The following SLC24A4 variants were observed in gnomAD, a reference collection of about 807,000 sequenced individuals.
SLC24A4 encodes the protein solute carrier family 24 member 4, also known as sodium/potassium/calcium exchanger 4.
SLC24A4 carries 53 observed loss-of-function variants against 79.0 expected under a neutral mutation model. That is an observed-to-expected ratio of 0.67 (90% confidence interval 0.54 to 0.84). SLC24A4 has a LOEUF of 0.84. Among genes scored for constraint, SLC24A4 ranks in the 40% least tolerant of loss-of-function variants. The probability of loss-of-function intolerance (pLI) is 0.00; values close to 1 mark genes in which losing one functional copy is unlikely to be tolerated. For synonymous variants in SLC24A4, 323 were observed against 323.8 expected (o/e 1.00, Z 0.03); for missense variants, 731 against 822.0 (o/e 0.89, Z 1.35).
At chr14:92,385,510 ATC>A (rs1889103540) in intron 2 of SLC24A4, among the ~76,000 whole-genome samples, 1 of 151,630 alleles carries the variant, frequency 6.6e-6, no homozygotes, top group African/African-American at 2.4e-5. Context: ...AAAAAAAAAA[ATC>A]ATGCAATGTT....
chr14:92,425,463 C>T (rs1429854759), intron 2 of SLC24A4, among the ~76,000 whole-genome samples: 1 of 152,198 alleles, frequency 6.6e-6, no homozygotes. Flanking sequence ...AGGTGGCTGT[C>T]ATTGGCAAAA....
intron 11 of SLC24A4, 53 bp from the exon 12 acceptor site, chr14:92,456,351 G>T: frequency 6.3e-7 from 1 of 1,593,704 alleles, no homozygotes. Flanking sequence ...TATAGCAATA[G>T]CATGATGCTT....
Position 92,323,176 on chromosome 14 carries a change from C to T in SLC24A4, c.-655C>T, listed in dbSNP as rs1159133814. The T allele has an allele frequency of 6.6e-6, 1 of 152,098 alleles. No homozygotes were observed. The highest frequency in any genetic ancestry group is 2.4e-5 in the African/African-American group (1 of 41,432). 9.4% of individuals were successfully genotyped at this position (152,098 alleles called of 1,614,324 possible). A position where few individuals can be genotyped will look rare whatever the true frequency, so the allele number is the denominator to read the frequency against. On this transcript the variant is annotated 5_prime_UTR_variant, in exon 1 of 17. Coordinates refer to ENST00000532405, the MANE Select transcript of SLC24A4 (RefSeq NM_153646.4). The surrounding 1 kb of genome is among the most constrained non-coding windows in gnomAD (Gnocchi z 4.9). ...CGCCACGGCCTCTCAGACGCTGGCG[C>T]CCGCAGCCGAGAAGCCAGAGAGAAA...
At chr14:92,339,596 G>A (rs1886009228) in intron 2 of SLC24A4, among the ~76,000 whole-genome samples, 1 of 152,220 alleles carries the variant, frequency 6.6e-6, no homozygotes, top group African/African-American at 2.4e-5. Context: ...GGCTTTGCCG[G>A]GGTAGGCGGA....
At chr14:92,429,916 C>G (rs540002362) in intron 2 of SLC24A4, among the ~76,000 whole-genome samples, 1 of 152,180 alleles carries the variant, frequency 6.6e-6, no homozygotes, top group African/African-American at 2.4e-5. Context: ...GCTGCATGTT[C>G]CCCAACAACT....
At chr14:92,431,168 T>G (rs1891849205) in intron 2 of SLC24A4, among the ~76,000 whole-genome samples, 1 of 152,240 alleles carries the variant, frequency 6.6e-6, no homozygotes, top group East Asian at 1.9e-4. Flanking sequence ...CAAGGCTGTG[T>G]GTTCTGTGGA....
At chr14:92,430,557 C>T (rs972638595) in intron 2 of SLC24A4, among the ~76,000 whole-genome samples, 2 of 152,200 alleles carry the variant, frequency 1.3e-5, no homozygotes, top group Admixed American at 6.5e-5. Flanking sequence ...TTCCCTGGGC[C>T]CTGCTCACAG....
At position 92,499,666 on chromosome 14, in the gene SLC24A4, C is replaced by CACATACAGCTAATTTGTTTTCATT. The variant is rs1896073575; in HGVS notation, c.*6039_*6062dup. 1 of 125,374 alleles carries CACATACAGCTAATTTGTTTTCATT rather than the reference C, an allele frequency of 8.0e-6. No individual in the cohort carries two copies. Among genetic ancestry groups the CACATACAGCTAATTTGTTTTCATT allele is most frequent in the Admixed American group, 8.5e-5 (1 of 11,822 alleles). 7.8% of individuals were successfully genotyped at this position (125,374 alleles called of 1,614,324 possible). Reference sequence around the variant, plus strand: ...AGGTAGGACTACAGGCACATGCCACCACATACAGCTAATTTGTTTTCATTT... The same window carrying CACATACAGCTAATTTGTTTTCATT: ...AGGTAGGACTACAGGCACATGCCACCACATACAGCTAATTTGTTTTCATTACATACAGCTAATTTGTTTTCATTT... On this transcript the variant is annotated 3_prime_UTR_variant, in exon 17 of 17. Coordinates refer to ENST00000532405, the MANE Select transcript of SLC24A4 (RefSeq NM_153646.4).
At chr14:92,470,828 C>T (rs192464056) in intron 12 of SLC24A4, among the ~76,000 whole-genome samples, 2 of 152,342 alleles carry the variant, frequency 1.3e-5, no homozygotes, top group Admixed American at 1.3e-4. Flanking sequence ...TGTTAAAGAA[C>T]CCCTATTCAG....
intron 16 of SLC24A4, chr14:92,492,959 AAC>A (rs551206469): frequency 0.021 from 6,209 of 298,838 alleles, 137 homozygotes; most frequent in African/African-American, 0.04. Context: ...CTCTACCCCA[AAC>A]ACACACACAC....
chr14:92,419,929 G>T (rs4904904), intron 2 of SLC24A4, among the ~76,000 whole-genome samples: 1 of 152,084 alleles, frequency 6.6e-6, no homozygotes, highest in Non-Finnish European at 1.5e-5. Context: ...TATGCTGGAT[G>T]AAGGTGAGCT....
intron 2 of SLC24A4, among the ~76,000 whole-genome samples, chr14:92,408,918 C>T (rs4904897): frequency 0.21 from 32,487 of 152,052 alleles, 3,559 homozygotes; most frequent in Admixed American, 0.23. Flanking sequence ...TATGATTGTC[C>T]AGACTACATA....
chr14:92,439,806 G>A (rs72695178), intron 4 of SLC24A4, among the ~76,000 whole-genome samples: 9,454 of 152,320 alleles, frequency 0.062, 422 homozygotes, highest in Non-Finnish European at 0.094. Flanking sequence ...CCAGGGGGAC[G>A]CCAAGCTGCA....
intron 12 of SLC24A4, among the ~76,000 whole-genome samples, chr14:92,468,462 T>A (rs1166879470): frequency 1.3e-5 from 2 of 152,180 alleles, no homozygotes; most frequent in Admixed American, 6.5e-5. Context: ...AAACAGTCTT[T>A]AAAAAGAACA....
At chr14:92,482,982 A>G (rs1224773334) in intron 13 of SLC24A4, 136 bp downstream of exon 13, 24 of 837,344 alleles carry the variant, frequency 2.9e-5, no homozygotes, top group Non-Finnish European at 4.3e-5. Context: ...CGTATTTCTC[A>G]GTAGAAAAGG....
Position 92,441,041 on chromosome 14 carries a change from C to A in SLC24A4, c.394-1048C>A, listed in dbSNP as rs563710524. Among the ~76,000 whole-genome samples, 1 of 152,158 alleles carries A rather than the reference C, an allele frequency of 6.6e-6. No homozygotes were observed. Among genetic ancestry groups the A allele is most frequent in the South Asian group, 2.1e-4 (1 of 4,826 alleles). The stretch of plus-strand genomic sequence containing the variant: ...GCAGGGTTAAGGTGGCCGGCTTCTG[C>A]CCTGGAGATCGATGCTGTGCCCCCA... On this transcript the variant is annotated intron_variant, in intron 4 of 16. Coordinates refer to ENST00000532405, the MANE Select transcript of SLC24A4 (RefSeq NM_153646.4). The surrounding 1 kb of genome is among the most constrained non-coding windows in gnomAD (Gnocchi z 4.6).
chr14:92,435,439 C>T lies in SLC24A4; in HGVS notation c.318+1451C>T, dbSNP rs116411049. ...GTCCATGCATCAGAGACTGCCTGGC[C>T]CAGAAAGCCAAACATATTTATTATC... On this transcript the variant is annotated intron_variant, in intron 3 of 16. Coordinates refer to ENST00000532405, the MANE Select transcript of SLC24A4 (RefSeq NM_153646.4). 4.5e-3 allele frequency among the ~76,000 whole-genome samples: 691 copies of T among 152,288 alleles called. 5 individuals are homozygous for T. The highest frequency in any genetic ancestry group is 0.016 in the African/African-American group (668 of 41,550).
intron 12 of SLC24A4, among the ~76,000 whole-genome samples, chr14:92,467,482 AAGATCAAGAGCAAAACAAGAGT>A (rs1356695721): frequency 1.3e-4 from 20 of 152,212 alleles, no homozygotes; most frequent in African/African-American, 4.8e-4. Flanking sequence ...GCTTTCCCCT[AAGATCAAGAGCAAAACAAGAGT>A]TAAAAGTGGG....
At position 92,490,291 on chromosome 14, in the gene SLC24A4, G is replaced by T. The variant is rs974160278; in HGVS notation, c.1538-1374G>T. Among the ~76,000 whole-genome samples the T allele has an allele frequency of 2.0e-5, 3 of 152,326 alleles. No individual in the cohort carries two copies. Among genetic ancestry groups the T allele is most frequent in the East Asian group, 1.9e-4 (1 of 5,190 alleles). On this transcript the variant is annotated intron_variant, in intron 14 of 16. Coordinates refer to ENST00000532405, the MANE Select transcript of SLC24A4 (RefSeq NM_153646.4). This position sits in a 1 kb window ranked among gnomAD's most constrained non-coding sequence, Gnocchi z 4.3. ...TGTGGAAGTATGGCTCAGTGGCCGG[G>T]TTAGGGCAGATTCCAGCCAGTACGA...
Sources: gnomAD v4.1 joint callset for allele counts (sites outside exome capture counted in the v4.1 genomes callset) on GRCh38, gnomAD v4.1.1 for gene constraint, Gnocchi (gnomAD v3.1) non-coding constraint, MANE v1.5 for transcripts, NCBI Gene and HGNC (gene_info 2026-07-23, HGNC 2026-07-21) for gene names.